TMX3: variants seen among roughly 807,000 people sequenced by gnomAD.
The protein encoded by TMX3 is protein disulfide-isomerase TMX3.
In TMX3, 40 loss-of-function variants were observed where a neutral mutation model predicts 64.4. The ratio of observed to expected loss-of-function variants is 0.62; its 90% confidence interval spans 0.48 to 0.81. The LOEUF (loss-of-function observed/expected upper bound fraction) is 0.81, where lower values mean the gene tolerates loss of function less well. TMX3 is among the 30% of genes least tolerant of loss of function. The pLI, the probability that TMX3 is intolerant of heterozygous loss-of-function variation, is 0.00. For missense variants in TMX3, 497 were observed against 534.5 expected (o/e 0.93, Z 0.69); for synonymous variants, 189 against 175.7 (o/e 1.08, Z -0.60).
At chr18:68,681,730 A>C (rs1913453930) in intron 13 of TMX3, among the ~76,000 whole-genome samples, 1 of 152,220 alleles carries the variant, frequency 6.6e-6, no homozygotes, top group African/African-American at 2.4e-5. Flanking sequence ...CATTTGCTAC[A>C]TCTATGATAC....
chr18:68,713,906 A>G lies in TMX3; in HGVS notation c.47-6T>C. On this transcript the variant is annotated splice_region_variant and splice_polypyrimidine_tract_variant and intron_variant, in intron 1 of 15. Transcript: ENST00000299608. ...GACCATATCAAGTACAACAACTGAA[A>G]AAAAAAGACAAAATGTACACAATAA... 1 of 1,564,886 alleles carries G rather than the reference A, an allele frequency of 6.4e-7. No individual in the cohort carries two copies. Among genetic ancestry groups the G allele is most frequent in the South Asian group, 1.2e-5 (1 of 86,744 alleles).
At chr18:68,685,002 C>T (rs2145026306) in intron 10 of TMX3, among the ~76,000 whole-genome samples, 1 of 152,282 alleles carries the variant, frequency 6.6e-6, no homozygotes, top group South Asian at 2.1e-4. Flanking sequence ...ATTAAACTGA[C>T]TCACATTTAC....
At chr18:68,699,059 T>G (rs191922004) in intron 6 of TMX3, among the ~76,000 whole-genome samples, 1 of 151,882 alleles carries the variant, frequency 6.6e-6, no homozygotes, top group East Asian at 1.9e-4. Context: ...GAGGTAGTCA[T>G]CTTTTACATA....
chr18:68,685,065 T>C (rs309216), intron 10 of TMX3, among the ~76,000 whole-genome samples: 20,176 of 152,146 alleles, frequency 0.13, 4,014 homozygotes, highest in African/African-American at 0.43. Context: ...TCTAGGAAGC[T>C]GGCATGATGT....
At chr18:68,711,235 C>A in intron 3 of TMX3, 129 bp downstream of exon 3, 1 of 529,058 alleles carries the variant, frequency 1.9e-6, no homozygotes, top group South Asian at 5.0e-5. Context: ...TATAGTAATA[C>A]TTAAGAAAAC....
At chr18:68,700,378 C>T (rs953102525) in intron 6 of TMX3, 27 bp downstream of exon 6, 13 of 1,399,302 alleles carry the variant, frequency 9.3e-6, no homozygotes, top group Admixed American at 2.3e-5. Context: ...TAATAACATA[C>T]AGTAAAGGCC....
intron 15 of TMX3, among the ~76,000 whole-genome samples, chr18:68,678,117 A>C (rs1343118863): frequency 6.6e-6 from 1 of 152,144 alleles, no homozygotes; most frequent in Non-Finnish European, 1.5e-5. Context: ...AACCAGGTGA[A>C]AGAGACCAGC....
intron 9 of TMX3, 84 bp from the exon 10 acceptor site, chr18:68,687,849 A>AATTT: frequency 1.0e-6 from 1 of 969,302 alleles, no homozygotes; most frequent in Non-Finnish European, 1.5e-6. Context: ...AATAGGTATA[A>AATTT]AACGCCTGAC....
intron 2 of TMX3, among the ~76,000 whole-genome samples, chr18:68,713,382 T>C (rs1006279236): frequency 3.3e-5 from 5 of 152,176 alleles, no homozygotes; most frequent in African/African-American, 1.2e-4. Context: ...GCACCGGTTA[T>C]ACACCAAGTT....
chr18:68,697,063 T>A lies in TMX3; in HGVS notation c.570+163A>T, dbSNP rs954898400. ...ATAAAAAGCAATCTAATACCAGTAG[T>A]AAAGAATCAGCATGTTTACTTTTTC... On this transcript the variant is annotated intron_variant, in intron 8 of 15. Coordinates refer to ENST00000299608, the MANE Select transcript of TMX3 (RefSeq NM_019022.5). The A allele has an allele frequency of 1.3e-5, 6 of 477,564 alleles. No individual in the cohort carries two copies. The South Asian group carries it at 2.1e-4, about 17-fold the overall frequency. The allele number at this position is 477,564 out of a possible 1,614,324, so 29.6% of individuals were successfully genotyped here.
intron 7 of TMX3, 54 bp from the exon 8 acceptor site, chr18:68,697,357 T>G (rs905295135): frequency 1.0e-6 from 1 of 991,562 alleles, no homozygotes; most frequent in Admixed American, 2.4e-5. Context: ...AGGCCAAAAT[T>G]CATTCCTCAT....
chr18:68,687,779 C>T lies in TMX3; in HGVS notation c.638-14G>A, dbSNP rs961915940. Reference sequence around the variant, plus strand: ...CATCTTCATACTCTTAAAACCAAGACAAAGTTGACAAATTACAGTATAAAT... The same window carrying T: ...CATCTTCATACTCTTAAAACCAAGATAAAGTTGACAAATTACAGTATAAAT... On this transcript the variant is annotated splice_polypyrimidine_tract_variant and intron_variant, in intron 9 of 15. Transcript: ENST00000299608. The T allele has an allele frequency of 6.3e-7, 1 of 1,581,966 alleles. No homozygotes were observed. The highest frequency in any genetic ancestry group is 8.6e-7 in the Non-Finnish European group (1 of 1,160,752).
At chr18:68,697,497 G>C in intron 7 of TMX3, 194 bp from the exon 8 acceptor site, 1 of 409,538 alleles carries the variant, frequency 2.4e-6, no homozygotes, top group Admixed American at 4.1e-5. Flanking sequence ...GTAATTAAGA[G>C]CTTTTATCTT....
intron 5 of TMX3, 55 bp downstream of exon 5, chr18:68,701,690 G>GT: frequency 1.2e-6 from 2 of 1,607,376 alleles, no homozygotes; most frequent in Middle Eastern, 1.7e-4. Context: ...GTAATAAAAT[G>GT]TAAGTAGAGT....
chr18:68,677,954 T>A (rs1226560506), intron 15 of TMX3, among the ~76,000 whole-genome samples: 1 of 152,032 alleles, frequency 6.6e-6, no homozygotes, highest in Admixed American at 6.6e-5. Context: ...AAGCTAATAT[T>A]CAAAAACCAA....
At chr18:68,710,206 T>C in intron 3 of TMX3, 62 bp from the exon 4 acceptor site, 1 of 1,345,674 alleles carries the variant, frequency 7.4e-7, no homozygotes, top group Non-Finnish European at 9.8e-7. Flanking sequence ...TGTGCTACAG[T>C]AAATATGAAT....
At chr18:68,690,262 T>C (rs1914387618) in intron 9 of TMX3, among the ~76,000 whole-genome samples, 1 of 152,148 alleles carries the variant, frequency 6.6e-6, no homozygotes, top group Non-Finnish European at 1.5e-5. Flanking sequence ...GCCTCCAACA[T>C]GGTAACCACA....
intron 13 of TMX3, chr18:68,681,668 A>C (rs1480854805): frequency 2.0e-6 from 2 of 977,164 alleles, no homozygotes; most frequent in African/African-American, 1.8e-5. Flanking sequence ...GTTCTTACTT[A>C]GAAAATAGAA....
At position 68,677,162 on chromosome 18, in the gene TMX3, C is replaced by T. The variant is rs941700606; in HGVS notation, c.1136G>A (p.Cys379Tyr). ...ACCCAGTGGCAGGCCAAAGAGAAAG[C>T]AGCCCATCAGTGGTGAGCTCTTGAA... is the stretch of plus-strand genomic sequence containing the variant. Reference protein sequence around the residue: ...SIFKSSPLMGCFLFGLPLGVI... With the variant: ...SIFKSSPLMGYFLFGLPLGVI... Residue 379 changes from cysteine (C) to tyrosine (Y), a missense_variant, in exon 16 of 16, where the codon TGC (cysteine) becomes TAC (tyrosine). This residue lies in a region of TMX3 where 43 missense variants were observed against 75.3 expected (regional missense o/e 0.57). Coordinates refer to ENST00000299608, the MANE Select transcript of TMX3 (RefSeq NM_019022.5). The T allele has an allele frequency of 1.2e-6, 2 of 1,613,660 alleles. No individual in the cohort carries two copies. Among genetic ancestry groups the T allele is most frequent in the African/African-American group, 2.7e-5 (2 of 75,028 alleles).
Sources: gnomAD v4.1 joint callset for allele counts (sites outside exome capture counted in the v4.1 genomes callset) on GRCh38, gnomAD v4.1.1 for gene constraint, gnomAD v4.1.1 regional missense constraint, MANE v1.5 for transcripts, NCBI Gene and HGNC (gene_info 2026-07-23, HGNC 2026-07-21) for gene names.